Variants in ST6GALNAC3 observed in about 807,000 individuals in gnomAD.
ST6GALNAC3 encodes the protein ST6 N-acetylgalactosaminide alpha-2,6-sialyltransferase 3.
ST6GALNAC3 carries 25 observed loss-of-function variants against 32.7 expected under a neutral mutation model. The ratio of observed to expected loss-of-function variants is 0.76; its 90% CI spans 0.56 to 1.07. The LOEUF (loss-of-function observed/expected upper bound fraction) is 1.07. Among genes scored for constraint, ST6GALNAC3 ranks in the 50% least tolerant of loss-of-function variants. The probability of loss-of-function intolerance (pLI) is 0.00; values close to 1 mark genes in which losing one functional copy is unlikely to be tolerated. For missense variants in ST6GALNAC3, 355 were observed against 382.4 expected, an observed-to-expected ratio of 0.93 and a Z score of 0.60; for synonymous variants, 129 against 133.1, an observed-to-expected ratio of 0.97 and a Z score of 0.21.
intron 1 of ST6GALNAC3, among the ~76,000 whole-genome samples, chr1:76,265,817 C>T (rs915765143): frequency 6.6e-6 from 1 of 152,162 alleles, no homozygotes; most frequent in African/African-American, 2.4e-5. Context: ...CTCTGTGTTT[C>T]TCAAATAGTT....
chr1:76,413,199 T>C (rs1380830104), intron 3 of ST6GALNAC3, among the ~76,000 whole-genome samples: 1 of 152,138 alleles, frequency 6.6e-6, no homozygotes, highest in Non-Finnish European at 1.5e-5. Flanking sequence ...CTGAATTGTG[T>C]GCCATGTTTT....
chr1:76,159,455 G>A (rs1233638923), intron 1 of ST6GALNAC3, among the ~76,000 whole-genome samples: 4 of 152,160 alleles, frequency 2.6e-5, no homozygotes, highest in Admixed American at 2.6e-4. Context: ...AAGTGCTGTT[G>A]TTACAGGCAT....
rs577429229 is a variant in ST6GALNAC3 at position 76,418,198 on chromosome 1, T to C, written c.623+5781T>C. ...GCTTGGCCATTTTGAAAGTTTCTTG[T>C]GTCATTGCGTGGTCAAGTGTAGAGA... On this transcript the variant is annotated intron_variant, in intron 3 of 4. Coordinates refer to ENST00000328299, the MANE Select transcript of ST6GALNAC3 (RefSeq NM_152996.4). Among the ~76,000 whole-genome samples, 4 of 152,294 alleles carry C rather than the reference T, an allele frequency of 2.6e-5. No homozygotes were observed. In the South Asian group the frequency reaches 8.3e-4, roughly 32 times the overall value.
intron 1 of ST6GALNAC3, chr1:76,309,980 A>T (rs568520970): frequency 2.0e-6 from 1 of 500,134 alleles, no homozygotes. Flanking sequence ...TCACGTATGC[A>T]TACGTATGTG....
rs558330140 is a variant in ST6GALNAC3 at position 76,463,963 on chromosome 1, T to G, written c.623+51546T>G. Among the ~76,000 whole-genome samples the G allele has an allele frequency of 9.9e-5, 15 of 152,210 alleles. 1 individual carries two copies. The highest frequency in any genetic ancestry group is 9.2e-4 in the Admixed American group (14 of 15,284). On this transcript the variant is annotated intron_variant, in intron 3 of 4. Transcript: ENST00000328299. Reference sequence around the variant, plus strand: ...ACCCAGGTTGGCTCTGTCTCTCTACTAAAAGTCACAGCTTCATTCAGGTGT... The same window carrying G: ...ACCCAGGTTGGCTCTGTCTCTCTACGAAAAGTCACAGCTTCATTCAGGTGT...
chr1:76,596,550 C>T (rs931005168), intron 3 of ST6GALNAC3, among the ~76,000 whole-genome samples: 2 of 152,142 alleles, frequency 1.3e-5, no homozygotes, highest in African/African-American at 2.4e-5. Flanking sequence ...TTTGTATTTT[C>T]TTGTATTCTG....
At chr1:76,306,420 T>TA (rs1249287271) in intron 1 of ST6GALNAC3, among the ~76,000 whole-genome samples, 1 of 151,826 alleles carries the variant, frequency 6.6e-6, no homozygotes, top group Non-Finnish European at 1.5e-5. Flanking sequence ...TGTTGGTAGT[T>TA]AAAAAAAAGT....
chr1:76,146,961 G>A lies in ST6GALNAC3; in HGVS notation c.18+72077G>A, dbSNP rs1294551167. Among the ~76,000 whole-genome samples, 5 of 151,770 alleles carry A rather than the reference G, an allele frequency of 3.3e-5. No homozygotes were observed. In the East Asian group the frequency reaches 9.7e-4, roughly 29 times the overall value. ...CATGCTTCTCTCCATCTCATGCTAT[G>A]TCTAATGACTCCGTGTACTGCTCCA... is the stretch of plus-strand genomic sequence containing the variant. On this transcript the variant is annotated intron_variant, in intron 1 of 4. Coordinates refer to ENST00000328299, the MANE Select transcript of ST6GALNAC3 (RefSeq NM_152996.4).
intron 2 of ST6GALNAC3, among the ~76,000 whole-genome samples, chr1:76,327,743 C>T (rs1455280404): frequency 6.6e-6 from 1 of 152,102 alleles, no homozygotes; most frequent in Non-Finnish European, 1.5e-5. Flanking sequence ...GCACCTACCA[C>T]CATGCCTGGC....
chr1:76,404,210 A>T (rs1029325813), intron 2 of ST6GALNAC3, among the ~76,000 whole-genome samples: 4 of 152,080 alleles, frequency 2.6e-5, no homozygotes, highest in Non-Finnish European at 5.9e-5. Flanking sequence ...CTAAACCATC[A>T]GTTATCAAAT....
At chr1:76,191,100 A>C (rs1653869784) in intron 1 of ST6GALNAC3, among the ~76,000 whole-genome samples, 1 of 152,138 alleles carries the variant, frequency 6.6e-6, no homozygotes, top group Non-Finnish European at 1.5e-5. Context: ...CCTTTTTAGG[A>C]AGCATGGTCA....
chr1:76,341,405 G>C (rs1647956714), intron 2 of ST6GALNAC3, among the ~76,000 whole-genome samples: 1 of 152,112 alleles, frequency 6.6e-6, no homozygotes, highest in African/African-American at 2.4e-5. Flanking sequence ...TAAAATGGCT[G>C]CATGGTATTC....
chr1:76,563,033 G>A (rs1306551043), intron 3 of ST6GALNAC3, among the ~76,000 whole-genome samples: 1 of 152,154 alleles, frequency 6.6e-6, no homozygotes, highest in African/African-American at 2.4e-5. Flanking sequence ...CCACACTCCT[G>A]TCATTCAGTT....
intron 1 of ST6GALNAC3, among the ~76,000 whole-genome samples, chr1:76,081,549 C>T (rs958618382): frequency 2.0e-5 from 3 of 152,076 alleles, no homozygotes; most frequent in East Asian, 3.9e-4. Flanking sequence ...TTAGCTGTGT[C>T]GTTTTTATTT....
intron 3 of ST6GALNAC3, among the ~76,000 whole-genome samples, chr1:76,422,104 A>G (rs182655748): frequency 2.0e-5 from 3 of 151,954 alleles, no homozygotes; most frequent in African/African-American, 7.2e-5. Context: ...CTGGGATATG[A>G]GTTCTCTAAG....
At chr1:76,496,243 C>T (rs1173357560) in intron 3 of ST6GALNAC3, among the ~76,000 whole-genome samples, 1 of 152,100 alleles carries the variant, frequency 6.6e-6, no homozygotes, top group Non-Finnish European at 1.5e-5. Flanking sequence ...AAGTTAAGTT[C>T]CCAGGTCTCA....
chr1:76,091,885 T>C (rs545207173), intron 1 of ST6GALNAC3, among the ~76,000 whole-genome samples: 3 of 152,300 alleles, frequency 2.0e-5, no homozygotes, highest in South Asian at 2.1e-4. Context: ...ATCCCTATCA[T>C]TGAGCCATTC....
chr1:76,459,064 T>G (rs1371682399), intron 3 of ST6GALNAC3, among the ~76,000 whole-genome samples: 3 of 152,252 alleles, frequency 2.0e-5, no homozygotes, highest in South Asian at 2.1e-4. Context: ...CTTTTGGGAT[T>G]TATGTGCCTC....
At chr1:76,086,068 G>T (rs1046879114) in intron 1 of ST6GALNAC3, among the ~76,000 whole-genome samples, 8 of 152,178 alleles carry the variant, frequency 5.3e-5, no homozygotes, top group Non-Finnish European at 1.2e-4. Context: ...GGCACCACTT[G>T]TGTCTGGAAA....
Sources: allele counts gnomAD v4.1 joint callset (sites outside exome capture counted in the v4.1 genomes callset), GRCh38; gene constraint gnomAD v4.1.1; transcripts MANE v1.5; gene names NCBI Gene and HGNC (gene_info 2026-07-23, HGNC 2026-07-21).